DNAH5: variants seen among roughly 807,000 people sequenced by gnomAD.
DNAH5 encodes axonemal beta dynein heavy chain 5.
DNAH5 carries 372 observed loss-of-function variants against 518.2 expected under a neutral mutation model. That is an observed-to-expected ratio of 0.72 (90% CI 0.66 to 0.78). The LOEUF is 0.78. Among genes scored for constraint, DNAH5 ranks in the 30% least tolerant of loss-of-function variants. The probability of loss-of-function intolerance (pLI) is 0.00; values close to 1 mark genes in which losing one functional copy is unlikely to be tolerated. For synonymous variants in DNAH5, 2,039 were observed against 2,025.9 expected, an observed-to-expected ratio of 1.01 and a Z score of -0.17; for missense variants, 5,523 against 5,687.0, an observed-to-expected ratio of 0.97 and a Z score of 0.93.
chr5:13,837,769 C>G (rs1478327018), intron 35 of DNAH5, among the ~76,000 whole-genome samples: 8 of 128,910 alleles, frequency 6.2e-5, no homozygotes, highest in Non-Finnish European at 1.1e-4. Context: ...GTGGCATGAT[C>G]TTGTCTCACT....
chr5:13,705,117 G>A (rs972062848), intron 76 of DNAH5, among the ~76,000 whole-genome samples: 16 of 151,852 alleles, frequency 1.1e-4, no homozygotes, highest in Admixed American at 3.9e-4. Flanking sequence ...ACAGCCTCCC[G>A]AGTAGCTGGG....
chr5:13,894,072 C>T (rs1019533478), intron 16 of DNAH5, among the ~76,000 whole-genome samples: 4 of 148,202 alleles, frequency 2.7e-5, no homozygotes, highest in Non-Finnish European at 4.5e-5. Flanking sequence ...TACTGGGACA[C>T]TGGCATGTTA....
At position 13,841,777 on chromosome 5, in the gene DNAH5, A is replaced by G. The variant is rs1580524265; in HGVS notation, c.5399T>C (p.Leu1800Ser). Residue 1800 changes from leucine to serine, a missense_variant, in exon 33 of 79, where the codon TTG (leucine) becomes TCG (serine). By Grantham distance (145) the Leu-to-Ser change is moderately radical. Transcript: ENST00000265104. ...GGCTGCCTGGCGAATCACAAGATGC[A>G]ATGAGGACTGAGATTCTTCCAAAAG... The part of the protein sequence containing the change: ...NSLLEESQSS[L>S]HLVIRQAAAN... The G allele has an allele frequency of 6.2e-7, 1 of 1,614,084 alleles. No homozygotes were observed. The highest frequency in any genetic ancestry group is 8.5e-7 in the Non-Finnish European group (1 of 1,179,954).
rs141211379 is a variant in DNAH5 at position 13,920,251 on chromosome 5, G to T, written c.798+229C>A. 6.2e-3 allele frequency among the ~76,000 whole-genome samples: 946 copies of T among 152,320 alleles called. 9 individuals are homozygous for T. Among genetic ancestry groups the T allele is most frequent in the Middle Eastern group, 0.037 (11 of 294 alleles). Reference sequence around the variant, plus strand: ...TGAGAAAAGAAACTGGCAAAGTGCAGCGTTTGAGTGATATAAGTATATGCA... The same window carrying T: ...TGAGAAAAGAAACTGGCAAAGTGCATCGTTTGAGTGATATAAGTATATGCA... On this transcript the variant is annotated intron_variant, in intron 6 of 78. Coordinates refer to ENST00000265104, the MANE Select transcript of DNAH5 (RefSeq NM_001369.3).
At chr5:14,001,785 C>T (rs1219854742) in intron 1 of DNAH5, among the ~76,000 whole-genome samples, 3 of 151,898 alleles carry the variant, frequency 2.0e-5, no homozygotes, top group Non-Finnish European at 4.4e-5. Flanking sequence ...ATACAGACAG[C>T]TAAGCACATT....
chr5:13,946,412 C>G (rs1581009250), upstream of DNAH5, among the ~76,000 whole-genome samples: 1 of 152,156 alleles, frequency 6.6e-6, no homozygotes, highest in Non-Finnish European at 1.5e-5. Context: ...AAGGTATCTT[C>G]TTGAGCGCTC....
intron 46 of DNAH5, 69 bp from the exon 47 acceptor site, chr5:13,807,794 C>T (rs1338361856): frequency 4.3e-5 from 58 of 1,361,808 alleles, no homozygotes; most frequent in Non-Finnish European, 5.8e-5. Flanking sequence ...TTTGTCCCCC[C>T]AAAATTCATA....
chr5:13,952,293 A>G (rs949211744), intron 1 of DNAH5, among the ~76,000 whole-genome samples: 4 of 152,264 alleles, frequency 2.6e-5, no homozygotes, highest in Non-Finnish European at 5.9e-5. Flanking sequence ...AAAGGCAGAA[A>G]ACTCCTGATT....
intron 55 of DNAH5, among the ~76,000 whole-genome samples, chr5:13,772,531 C>A (rs1297799395): frequency 6.6e-6 from 1 of 152,244 alleles, no homozygotes; most frequent in African/African-American, 2.4e-5. Context: ...GAAAACCCTT[C>A]TGTCATCTTC....
rs141595747 is a variant in DNAH5 at position 13,769,069 on chromosome 5, T to C, written c.9788A>G (p.Lys3263Arg). The C allele has an allele frequency of 2.2e-5, 35 of 1,614,098 alleles. No individual in the cohort carries two copies. Among genetic ancestry groups the C allele is most frequent in the Non-Finnish European group, 2.7e-5 (32 of 1,180,036 alleles). ...EKVKAEVQKV[K>R]DRAQAIVDSI... ...GTCCACAATGGCCTGGGCCCTGTCC[T>C]TCACCTTCTGTACCTCAGCCTTGAC... Residue 3263 changes from lysine (K) to arginine (R), a missense_variant, in exon 58 of 79, where the codon AAG (lysine) becomes AGG (arginine). Transcript: ENST00000265104.
chr5:13,990,639 G>C (rs563263835), intron 1 of DNAH5, among the ~76,000 whole-genome samples: 1 of 152,128 alleles, frequency 6.6e-6, no homozygotes, highest in African/African-American at 2.4e-5. Context: ...AGGCCAAGGC[G>C]GGCGGATTGC....
In DNAH5 at chr5:13,891,129, A is replaced by G. The variant is rs2151949069; in HGVS notation, c.2432-8T>C. 1 of 1,613,960 alleles carries G rather than the reference A, an allele frequency of 6.2e-7. No homozygotes were observed. The highest frequency in any genetic ancestry group is 2.2e-5 in the East Asian group (1 of 44,878). ...GCAGCAACTCCAGGTCCTCTTTGGG[A>G]AAAAATAAAAGTAAATAAAAGAGAT... On this transcript the variant is annotated splice_polypyrimidine_tract_variant and splice_region_variant and intron_variant, in intron 16 of 78. Transcript: ENST00000265104.
At chr5:13,785,182 C>T (rs558824673) in intron 52 of DNAH5, among the ~76,000 whole-genome samples, 2 of 152,072 alleles carry the variant, frequency 1.3e-5, no homozygotes, top group East Asian at 3.9e-4. Context: ...GACAGATCAT[C>T]AGGCATTCCA....
Position 13,923,367 on chromosome 5 carries a change from C to T in DNAH5, c.351G>A (p.Glu117=). Reference sequence around the variant, plus strand: ...CCCCAGTAAGAGCCACATCGTTTCCCTCGGTCACGAACACCTTAGGTTTTT... The same window carrying T: ...CCCCAGTAAGAGCCACATCGTTTCCTTCGGTCACGAACACCTTAGGTTTTT... ...KIKKPKVFVT[E]GNDVALTGVC... Residue 117 remains glutamate (E), a synonymous_variant, in exon 4 of 79, where the codon GAG becomes GAA. Transcript: ENST00000265104. 6.2e-7 allele frequency: 1 copy of T among 1,614,166 alleles called. No individual in the cohort carries two copies.
At position 13,729,446 on chromosome 5, in the gene DNAH5, A is replaced by G; in HGVS notation, c.11876T>C (p.Leu3959Pro). 1.9e-6 allele frequency: 3 copies of G among 1,614,020 alleles called. No homozygotes were observed. The highest frequency in any genetic ancestry group is 2.5e-6 in the Non-Finnish European group (3 of 1,179,888). ...LSKLRQFSDV[L>P]DQISRNEKMW... ...GATTCAAAGCACAGTTACCTGGTCA[A>G]GGACATCTGAAAACTGTCTGAGTTT... Residue 3959 changes from leucine to proline, a missense_variant, in exon 69 of 79, where the codon CTT becomes CCT. Coordinates refer to ENST00000265104, the MANE Select transcript of DNAH5 (RefSeq NM_001369.3).
intron 78 of DNAH5, among the ~76,000 whole-genome samples, chr5:13,693,878 T>A (rs966555598): frequency 6.6e-6 from 1 of 152,220 alleles, no homozygotes; most frequent in Non-Finnish European, 1.5e-5. Context: ...GTGTAATTTT[T>A]CCAATTTCTA....
chr5:13,692,872 G>C (rs1740886133), intron 78 of DNAH5, among the ~76,000 whole-genome samples: 1 of 152,186 alleles, frequency 6.6e-6, no homozygotes, highest in African/African-American at 2.4e-5. Flanking sequence ...CCCATACTCA[G>C]AGACAGGTCC....
chr5:13,904,635 G>A (rs1487280517), intron 12 of DNAH5, among the ~76,000 whole-genome samples: 1 of 152,060 alleles, frequency 6.6e-6, no homozygotes, highest in Non-Finnish European at 1.5e-5. Context: ...AGTAGGCCAA[G>A]TACAGTGGCT....
At chr5:13,920,676 G>A (rs1288176091) in intron 5 of DNAH5, 59 bp from the exon 6 acceptor site, 4 of 1,599,342 alleles carry the variant, frequency 2.5e-6, no homozygotes, top group Admixed American at 3.3e-5. Flanking sequence ...ACAGACTGTG[G>A]GCCCTGTGTT....
Sources: gnomAD v4.1 joint callset for allele counts (sites outside exome capture counted in the v4.1 genomes callset) on GRCh38, gnomAD v4.1.1 for gene constraint, MANE v1.5 for transcripts, NCBI Gene and HGNC (gene_info 2026-07-23, HGNC 2026-07-21) for gene names.